Variants in CA5A observed in about 807,000 individuals in gnomAD.
The protein encoded by CA5A is carbonic anhydrase 5A, mitochondrial.
Under a neutral mutation model 37.1 loss-of-function variants are expected in CA5A, and 28 were observed. That is an observed-to-expected ratio of 0.75 (90% CI 0.56 to 1.03). CA5A has a LOEUF of 1.03. Ranked by LOEUF, CA5A falls within the 50% of genes least tolerant of loss-of-function variation. The pLI is 0.00. For missense variants in CA5A, 444 were observed against 399.9 expected, an observed-to-expected ratio of 1.11 and a Z score of -0.94; for synonymous variants, 171 against 158.4, an observed-to-expected ratio of 1.08 and a Z score of -0.60.
chr16:87,917,091 C>G (rs59497682), intron 2 of CA5A, among the ~76,000 whole-genome samples: 1 of 131,754 alleles, frequency 7.6e-6, no homozygotes. Context: ...GGTGACAGAG[C>G]GAGAGTCTGT....
intron 6 of CA5A, among the ~76,000 whole-genome samples, chr16:87,891,114 G>A (rs1416316915): frequency 6.6e-6 from 1 of 150,476 alleles, no homozygotes; most frequent in African/African-American, 2.5e-5. Context: ...ACTTTAAAAA[G>A]TGTATACAAA....
At chr16:87,908,751 C>G (rs147128584) in intron 2 of CA5A, among the ~76,000 whole-genome samples, 1 of 152,176 alleles carries the variant, frequency 6.6e-6, no homozygotes, top group African/African-American at 2.4e-5. Context: ...CTGGAGCCCA[C>G]AGGCATCTCT....
At chr16:87,927,729 C>T (rs186973436) in intron 1 of CA5A, among the ~76,000 whole-genome samples, 4 of 151,910 alleles carry the variant, frequency 2.6e-5, no homozygotes, top group African/African-American at 4.8e-5. Flanking sequence ...GGTGTGGTGG[C>T]GGGCGCCTGT....
chr16:87,888,426 C>A, intron 6 of CA5A, among the ~76,000 whole-genome samples, 154 bp from the exon 7 acceptor site: 1 of 152,042 alleles, frequency 6.6e-6, no homozygotes. Context: ...GTGTGCAGGG[C>A]CAGATTATAA....
chr16:87,899,999 G>C (rs1191362112), intron 5 of CA5A, among the ~76,000 whole-genome samples: 1 of 143,214 alleles, frequency 7.0e-6, no homozygotes, highest in Non-Finnish European at 1.5e-5. Context: ...CCAGAGATCA[G>C]CATCAGGACC....
Position 87,936,411 on chromosome 16 carries a change from A to T in CA5A, c.40T>A (p.Phe14Ile). The T allele has an allele frequency of 1.2e-6, 2 of 1,614,062 alleles. No homozygotes were observed. The highest frequency in any genetic ancestry group is 3.3e-4 in the Middle Eastern group (2 of 6,060). ...GGGGCCCACATCTGCTCAACCAAGA[A>T]GGAGAAAGCTGAGGTCTTCCAAGTG... ...RNTWKTSAFS[F>I]LVEQMWAPLW... Residue 14 changes from phenylalanine to isoleucine, a missense_variant, in exon 1 of 7, where the codon TTC becomes ATC. Phe to Ile is a conservative substitution (Grantham distance 21). Coordinates refer to ENST00000649794, the MANE Select transcript of CA5A (RefSeq NM_001739.2).
intron 5 of CA5A, among the ~76,000 whole-genome samples, chr16:87,897,405 T>C (rs1409488634): frequency 2.6e-5 from 4 of 152,162 alleles, no homozygotes; most frequent in African/African-American, 9.7e-5. Flanking sequence ...CATTCTGGAA[T>C]TGTCTGCCCG....
intron 5 of CA5A, among the ~76,000 whole-genome samples, chr16:87,894,407 G>A (rs1279916311): frequency 6.6e-6 from 1 of 152,142 alleles, no homozygotes; most frequent in Non-Finnish European, 1.5e-5. Flanking sequence ...CAAGGTGGAA[G>A]CTGGCAACCC....
rs117239100 is a variant in CA5A at position 87,923,480 on chromosome 16, G to A, written c.340+3268C>T. The A allele has an allele frequency of 3.2e-4, 299 of 922,374 alleles. 2 individuals are homozygous for A. In the East Asian group the frequency reaches 0.015, roughly 47 times the overall value. 57.1% of individuals were successfully genotyped at this position (922,374 alleles called of 1,614,324 possible). On this transcript the variant is annotated intron_variant, in intron 2 of 6. Coordinates refer to ENST00000649794, the MANE Select transcript of CA5A (RefSeq NM_001739.2). ...TGGGATTATAAGCATGAGCCAGCTC[G>A]CCCAGCCTGGCAGTGCTTTTAAAGG...
At chr16:87,913,371 T>C (rs903745253) in intron 2 of CA5A, among the ~76,000 whole-genome samples, 2 of 149,444 alleles carry the variant, frequency 1.3e-5, no homozygotes, top group East Asian at 1.9e-4. Flanking sequence ...GGTGTGATCA[T>C]GCCTCACTGC....
At chr16:87,899,722 C>A (rs1474869491) in intron 5 of CA5A, among the ~76,000 whole-genome samples, 1 of 150,212 alleles carries the variant, frequency 6.7e-6, no homozygotes, top group African/African-American at 2.4e-5. Context: ...GAGTTTGACA[C>A]CAGCCTGGCC....
intron 6 of CA5A, among the ~76,000 whole-genome samples, chr16:87,888,891 T>C (rs2143891609): frequency 6.6e-6 from 1 of 151,542 alleles, no homozygotes; most frequent in African/African-American, 2.4e-5. Context: ...TAGTTGGAAT[T>C]ACAGGCACAA....
At chr16:87,890,449 G>C (rs1477291571) in intron 6 of CA5A, among the ~76,000 whole-genome samples, 3 of 152,182 alleles carry the variant, frequency 2.0e-5, no homozygotes, top group African/African-American at 4.8e-5. Context: ...CCCTCGGAAA[G>C]AGATGAGCCA....
At chr16:87,927,778 G>T (rs1423167824) in intron 1 of CA5A, among the ~76,000 whole-genome samples, 2 of 151,078 alleles carry the variant, frequency 1.3e-5, no homozygotes, top group African/African-American at 4.9e-5. Flanking sequence ...GGAGAATGGC[G>T]TGAACCCAGG....
chr16:87,923,565 C>A lies in CA5A; in HGVS notation c.340+3183G>T, dbSNP rs995509461. On this transcript the variant is annotated intron_variant, in intron 2 of 6. Transcript: ENST00000649794. ...AGTATCAGGATTCCCCTGGGGCCCCCTGTTCCCCACTGCATGAGGTCTTGG... is the reference window on the plus strand; with the variant it reads ...AGTATCAGGATTCCCCTGGGGCCCCATGTTCCCCACTGCATGAGGTCTTGG... The A allele has an allele frequency of 1.3e-5, 13 of 985,306 alleles. No individual in the cohort carries two copies. The African/African-American group carries it at 2.1e-4, about 16-fold the overall frequency. 61.0% of individuals were successfully genotyped at this position (985,306 alleles called of 1,614,324 possible).
At chr16:87,908,866 A>G (rs1376826065) in intron 2 of CA5A, among the ~76,000 whole-genome samples, 1 of 151,924 alleles carries the variant, frequency 6.6e-6, no homozygotes. Context: ...CCCAGGCTGG[A>G]ATGCGGTGGC....
At chr16:87,935,833 G>A (rs1356654687) in intron 1 of CA5A, among the ~76,000 whole-genome samples, 2 of 151,854 alleles carry the variant, frequency 1.3e-5, no homozygotes, top group African/African-American at 4.8e-5. Context: ...CCGAGATCAT[G>A]CCATTGCACT....
chr16:87,915,148 C>G (rs374367715), intron 2 of CA5A, among the ~76,000 whole-genome samples: 1 of 152,208 alleles, frequency 6.6e-6, no homozygotes, highest in African/African-American at 2.4e-5. Flanking sequence ...CGACCACACT[C>G]GCCTTTGATC....
intron 2 of CA5A, among the ~76,000 whole-genome samples, chr16:87,922,169 G>A (rs2056239650): frequency 1.3e-5 from 2 of 152,136 alleles, no homozygotes. Context: ...AGGGGATGTT[G>A]GTGCACACTG....
Sources: allele counts gnomAD v4.1 joint callset (sites outside exome capture counted in the v4.1 genomes callset), GRCh38; gene constraint gnomAD v4.1.1; transcripts MANE v1.5; gene names NCBI Gene and HGNC (gene_info 2026-07-23, HGNC 2026-07-21).